The following NRXN3 variants were observed in gnomAD, a reference collection of about 807,000 sequenced individuals.
The protein encoded by NRXN3 is neurexin III.
In NRXN3, 32 loss-of-function variants were observed where a neutral mutation model predicts 137.6. The observed-to-expected ratio is 0.23, with a 90% CI of 0.18 to 0.31. The LOEUF (loss-of-function observed/expected upper bound fraction) is 0.31. NRXN3 is among the 10% of genes least tolerant of loss of function. NRXN3 has a pLI of 1.00. For missense variants in NRXN3, 1,574 were observed against 2,062.5 expected (o/e 0.76, Z 4.59); for synonymous variants, 798 against 784.5 (o/e 1.02, Z -0.29).
intron 16 of NRXN3, among the ~76,000 whole-genome samples, chr14:79,535,978 C>A (rs1383694665): frequency 6.6e-5 from 10 of 152,142 alleles, no homozygotes; most frequent in African/African-American, 2.4e-4. Flanking sequence ...AATAAGATAC[C>A]TTCAACACAG....
chr14:78,198,032 A>G (rs1482872461), intron 1 of NRXN3, among the ~76,000 whole-genome samples: 1 of 152,156 alleles, frequency 6.6e-6, no homozygotes, highest in Non-Finnish European at 1.5e-5. Context: ...ATCTTTGCCC[A>G]TCTTGGAAAG....
chr14:78,847,130 G>A (rs1355255380), intron 10 of NRXN3, among the ~76,000 whole-genome samples: 2 of 152,048 alleles, frequency 1.3e-5, no homozygotes, highest in Admixed American at 6.6e-5. Context: ...CTGAAAGGTA[G>A]GTATAAAGAG....
chr14:78,653,500 G>C (rs2097762657), intron 6 of NRXN3, among the ~76,000 whole-genome samples: 1 of 152,076 alleles, frequency 6.6e-6, no homozygotes, highest in Admixed American at 6.5e-5. Context: ...ACAGGATTTA[G>C]GTCTTGCCTT....
In NRXN3 at chr14:78,242,728, T is replaced by C. The variant is rs1454990774; in HGVS notation, c.-366T>C. ...GGCTTCTTCCTACTCTCCTGCACCT[T>C]CTCCTCCTTGAGTCAAGGCCTCCGG... On this transcript the variant is annotated 5_prime_UTR_variant, in exon 2 of 21. Coordinates refer to ENST00000335750, the MANE Select transcript of NRXN3 (RefSeq NM_001330195.2). The C allele has an allele frequency of 1.8e-5, 4 of 219,674 alleles. No homozygotes were observed. Among genetic ancestry groups the C allele is most frequent in the Admixed American group, 5.2e-5 (1 of 19,284 alleles). 13.6% of individuals were successfully genotyped at this position (219,674 alleles called of 1,614,324 possible).
At chr14:78,534,012 T>C (rs2096503987) in intron 4 of NRXN3, among the ~76,000 whole-genome samples, 1 of 152,214 alleles carries the variant, frequency 6.6e-6, no homozygotes, top group Non-Finnish European at 1.5e-5. Context: ...AAATTCAGGC[T>C]TTTCCCCATT....
chr14:78,473,319 G>A (rs969552333), intron 4 of NRXN3, among the ~76,000 whole-genome samples: 40 of 151,256 alleles, frequency 2.6e-4, no homozygotes, highest in African/African-American at 8.0e-4. Flanking sequence ...GGAGAATGGC[G>A]TGAACCTGGG....
At chr14:79,724,466 G>T (rs1435018727) in intron 19 of NRXN3, among the ~76,000 whole-genome samples, 1 of 152,076 alleles carries the variant, frequency 6.6e-6, no homozygotes, top group Non-Finnish European at 1.5e-5. Flanking sequence ...AGGAGACTTT[G>T]CCTATGTCTG....
intron 15 of NRXN3, among the ~76,000 whole-genome samples, chr14:79,059,809 T>C (rs1385498924): frequency 6.6e-6 from 1 of 152,208 alleles, no homozygotes; most frequent in Non-Finnish European, 1.5e-5. Flanking sequence ...ATGAGAGCAA[T>C]GAGCCTATTA....
rs568329790 is a variant in NRXN3 at position 79,553,525 on chromosome 14, A to G, written c.3444+86123A>G. Among the ~76,000 whole-genome samples, 4 of 152,184 alleles carry G rather than the reference A, an allele frequency of 2.6e-5. 1 individual carries two copies. The South Asian group carries it at 8.3e-4, about 32-fold the overall frequency. ...TCCCACCCAATGCCACCTAACTCCC[A>G]CCTCTATTGTGAGATAACTACATGC... On this transcript the variant is annotated intron_variant, in intron 16 of 20. Transcript: ENST00000335750.
chr14:79,551,784 T>C (rs2097374867), intron 16 of NRXN3, among the ~76,000 whole-genome samples: 2 of 152,194 alleles, frequency 1.3e-5, no homozygotes. Flanking sequence ...GTTTTGCTAA[T>C]ACATCCCTGG....
intron 19 of NRXN3, among the ~76,000 whole-genome samples, chr14:79,733,554 G>A (rs751003611): frequency 2.6e-5 from 4 of 152,116 alleles, no homozygotes; most frequent in East Asian, 1.9e-4. Flanking sequence ...TAACACGATC[G>A]GAGGTGTGAG....
intron 15 of NRXN3, among the ~76,000 whole-genome samples, chr14:79,018,559 T>G (rs942497228): frequency 2.6e-5 from 4 of 152,124 alleles, no homozygotes; most frequent in African/African-American, 9.7e-5. Flanking sequence ...TGCTACAGGA[T>G]TATGGGCTCC....
intron 15 of NRXN3, among the ~76,000 whole-genome samples, chr14:79,368,163 C>T (rs1200727232): frequency 6.6e-6 from 1 of 152,136 alleles, no homozygotes; most frequent in Non-Finnish European, 1.5e-5. Context: ...GGGACATACC[C>T]TATTTTTAAA....
At chr14:79,535,792 A>G (rs775538750) in intron 16 of NRXN3, among the ~76,000 whole-genome samples, 1 of 152,134 alleles carries the variant, frequency 6.6e-6, no homozygotes, top group African/African-American at 2.4e-5. Context: ...TTGTCTGACT[A>G]GGAACTTCTG....
intron 1 of NRXN3, among the ~76,000 whole-genome samples, chr14:78,235,338 A>G (rs1164653904): frequency 6.6e-6 from 1 of 152,014 alleles, no homozygotes. Flanking sequence ...GATAAACATG[A>G]AAGATGAGAT....
At position 79,760,197 on chromosome 14, in the gene NRXN3, T is replaced by C. The variant is rs181171542; in HGVS notation, c.4015-44915T>C. ...AATAAAATGGGGTTATATCCAACCA[T>C]GGCATAATACTTCTCATTAGAAAAA... On this transcript the variant is annotated intron_variant, in intron 19 of 20. Transcript: ENST00000335750. 2.3e-4 allele frequency among the ~76,000 whole-genome samples: 35 copies of C among 151,784 alleles called. No individual in the cohort carries two copies. In the East Asian group the frequency reaches 6.4e-3, roughly 28 times the overall value.
chr14:79,717,000 G>A (rs537354756), intron 19 of NRXN3, among the ~76,000 whole-genome samples: 56 of 152,234 alleles, frequency 3.7e-4, no homozygotes, highest in Middle Eastern at 3.4e-3. Context: ...GGAGCATTCC[G>A]TTTTCTGTTG....
intron 19 of NRXN3, among the ~76,000 whole-genome samples, chr14:79,728,640 G>C (rs1217954306): frequency 6.6e-6 from 1 of 152,208 alleles, no homozygotes; most frequent in Admixed American, 6.5e-5. Flanking sequence ...TATCTCCCTT[G>C]CTGATATGGA....
intron 16 of NRXN3, among the ~76,000 whole-genome samples, chr14:79,660,151 A>T (rs569589182): frequency 5.9e-5 from 9 of 152,294 alleles, no homozygotes; most frequent in African/African-American, 2.2e-4. Flanking sequence ...TTCTAGACAC[A>T]TGAGCCAGCG....
Sources: gnomAD v4.1 joint callset for allele counts (sites outside exome capture counted in the v4.1 genomes callset) on GRCh38, gnomAD v4.1.1 for gene constraint, MANE v1.5 for transcripts, NCBI Gene and HGNC (gene_info 2026-07-23, HGNC 2026-07-21) for gene names.